The following CYP51A1 variants were observed in gnomAD, a reference collection of about 807,000 sequenced individuals.
CYP51A1 encodes cytochrome P450 family 51 subfamily A member 1, also known as lanosterol 14-alpha demethylase.
In CYP51A1, 45 loss-of-function variants were observed where a neutral mutation model predicts 53.5. That is an observed-to-expected ratio of 0.84 (90% CI 0.66 to 1.08). The LOEUF is 1.08. CYP51A1 is among the 50% of genes least tolerant of loss of function. The pLI is 0.00. For synonymous variants in CYP51A1, 181 were observed against 217.7 expected (o/e 0.83, Z 1.48); for missense variants, 462 against 621.7 (o/e 0.74, Z 2.73).
upstream of CYP51A1, chr7:92,134,694 G>A: frequency 3.4e-6 from 1 of 293,664 alleles, no homozygotes; most frequent in Non-Finnish European, 6.4e-6. Flanking sequence ...CCTGAGAATC[G>A]CGGGCGACCC....
chr7:92,112,314 G>T lies in CYP51A1; in HGVS notation c.*1351C>A, dbSNP rs535068396. ...AAACAGACGATGTGGTATTTTTTCA[G>T]CCATCTCATATAGTTAGGCCCCGAG... On this transcript the variant is annotated 3_prime_UTR_variant, in exon 10 of 10. Transcript: ENST00000003100. The T allele has an allele frequency of 3.5e-4, 54 of 152,202 alleles. No homozygotes were observed. The highest frequency in any genetic ancestry group is 1.3e-3 in the African/African-American group (52 of 41,532). 9.4% of individuals were successfully genotyped at this position (152,202 alleles called of 1,614,324 possible). A position where few individuals can be genotyped will look rare whatever the true frequency, so the allele number is the denominator to read the frequency against.
chr7:92,134,051 C>T, intron 1 of CYP51A1, 122 bp downstream of exon 1: 2 of 913,256 alleles, frequency 2.2e-6, no homozygotes, highest in Non-Finnish European at 3.2e-6. Context: ...CAAGCATGGC[C>T]GCAGTCGCCC....
rs759517992 is a variant in CYP51A1 at position 92,129,014 on chromosome 7, T to A, written c.334A>T (p.Thr112Ser). The A allele has an allele frequency of 4.3e-6, 7 of 1,613,584 alleles. 1 individual carries two copies. The Admixed American group carries it at 1.2e-4, about 27-fold the overall frequency. ...FSFTMVGKTFTYLLGSDAAAL... is the reference protein window; with the variant it reads ...FSFTMVGKTFSYLLGSDAAAL... ...GCAGCATCACTCCCCAGAAGGTAAG[T>A]AAATGTCTTGCCTACCATGGTAAAA... The change falls in exon 3 of 10, where the codon ACT becomes TCT. Residue 112 changes from threonine (T) to serine (S), a missense_variant. Physicochemically the swap from Thr to Ser is moderately conservative, Grantham distance 58. Coordinates refer to ENST00000003100, the MANE Select transcript of CYP51A1 (RefSeq NM_000786.4).
intron 9 of CYP51A1, among the ~76,000 whole-genome samples, chr7:92,115,598 GA>G (rs1413319906): frequency 6.6e-6 from 1 of 152,088 alleles, no homozygotes; most frequent in African/African-American, 2.4e-5. Flanking sequence ...AACTGTGATA[GA>G]ATATATTTCT....
At chr7:92,124,649 A>T (rs1256828221) in intron 5 of CYP51A1, among the ~76,000 whole-genome samples, 1 of 152,232 alleles carries the variant, frequency 6.6e-6, no homozygotes, top group East Asian at 1.9e-4. Context: ...TGTACAGAAG[A>T]GAAGATGTTG....
Position 92,132,813 on chromosome 7 carries a change from A to T in CYP51A1, c.193-941T>A, listed in dbSNP as rs187294572. On this transcript the variant is annotated intron_variant, in intron 1 of 9. Transcript: ENST00000003100. The stretch of plus-strand genomic sequence containing the variant: ...CAAGAACTCTAGCATTCTTCATAAA[A>T]GTTTCTTTAGATGCCACAAAATGAG... Among the ~76,000 whole-genome samples, 243 of 152,308 alleles carry T rather than the reference A, an allele frequency of 1.6e-3. 1 individual carries two copies. The highest frequency in any genetic ancestry group is 5.6e-3 in the African/African-American group (232 of 41,564).
At chr7:92,117,988 C>CAAA (rs5885800) in intron 8 of CYP51A1, among the ~76,000 whole-genome samples, 13 of 113,928 alleles carry the variant, frequency 1.1e-4, no homozygotes, top group South Asian at 2.7e-4. Flanking sequence ...AATGCCGTCT[C>CAAA]AAAAAAAAAA....
intron 6 of CYP51A1, 138 bp downstream of exon 6, chr7:92,123,596 C>CA: frequency 2.4e-6 from 2 of 840,506 alleles, no homozygotes. Flanking sequence ...TATGTCTCAA[C>CA]AATTTAAAGA....
intron 1 of CYP51A1, 59 bp downstream of exon 1, chr7:92,134,114 C>T: frequency 1.9e-6 from 3 of 1,550,544 alleles, no homozygotes; most frequent in Non-Finnish European, 2.6e-6. Flanking sequence ...CCCACGCCAG[C>T]CCTTCGGCCG....
At chr7:92,120,975 C>A (rs1272569175) in intron 7 of CYP51A1, among the ~76,000 whole-genome samples, 1 of 152,114 alleles carries the variant, frequency 6.6e-6, no homozygotes, top group Non-Finnish European at 1.5e-5. Context: ...CATCACTAGT[C>A]ACCAGGGAAA....
At chr7:92,114,303 T>C (rs935646093) in intron 9 of CYP51A1, among the ~76,000 whole-genome samples, 2 of 152,108 alleles carry the variant, frequency 1.3e-5, no homozygotes, top group Non-Finnish European at 2.9e-5. Context: ...ATGTAGAAAC[T>C]GACAAGCTGA....
intron 4 of CYP51A1, 69 bp from the exon 5 acceptor site, chr7:92,126,496 CAG>C: frequency 7.4e-7 from 1 of 1,343,584 alleles, no homozygotes; most frequent in Non-Finnish European, 1.0e-6. Flanking sequence ...GAATTAAAAA[CAG>C]AACTCAAGAA....
At chr7:92,121,786 G>A (rs1819698076) in intron 7 of CYP51A1, among the ~76,000 whole-genome samples, 1 of 152,162 alleles carries the variant, frequency 6.6e-6, no homozygotes, top group African/African-American at 2.4e-5. Context: ...GAGGCAAAAG[G>A]AGATTAATGG....
At chr7:92,123,902 C>G (rs376027325) in intron 5 of CYP51A1, 49 bp from the exon 6 acceptor site, 1 of 1,457,552 alleles carries the variant, frequency 6.9e-7, no homozygotes, top group Non-Finnish European at 9.2e-7. Context: ...AAATAACCTT[C>G]TAGGATCAAA....
intron 5 of CYP51A1, among the ~76,000 whole-genome samples, 157 bp from the exon 6 acceptor site, chr7:92,124,010 T>C (rs985358755): frequency 3.3e-5 from 5 of 152,158 alleles, no homozygotes; most frequent in African/African-American, 1.2e-4. Flanking sequence ...AGGAACATAC[T>C]GGAAGTCATG....
chr7:92,123,088 A>C, intron 7 of CYP51A1, 32 bp downstream of exon 7: 3 of 1,545,620 alleles, frequency 1.9e-6, no homozygotes, highest in Non-Finnish European at 2.7e-6. Context: ...CAAAGTCATA[A>C]GGCAGCAATG....
At chr7:92,122,644 G>A (rs1222656085) in intron 7 of CYP51A1, among the ~76,000 whole-genome samples, 1 of 152,194 alleles carries the variant, frequency 6.6e-6, no homozygotes, top group African/African-American at 2.4e-5. Context: ...GTCAGGTTGT[G>A]CAGTGAGTTG....
intron 2 of CYP51A1, 25 bp downstream of exon 2, chr7:92,131,749 T>TC (rs397794165): frequency 7.3e-6 from 9 of 1,227,640 alleles, no homozygotes; most frequent in East Asian, 4.7e-5. Context: ...TTTTTTTTTT[T>TC]CCTCTAATTA....
At chr7:92,134,489 CA>C (rs550524330), upstream of CYP51A1, 1 of 1,054,928 alleles carries the variant, frequency 9.5e-7, no homozygotes, top group African/African-American at 1.6e-5. Context: ...AACCCAGCCC[CA>C]CCCCTCGGGT....
Sources: allele counts gnomAD v4.1 joint callset (sites outside exome capture counted in the v4.1 genomes callset), GRCh38; gene constraint gnomAD v4.1.1; transcripts MANE v1.5; gene names NCBI Gene and HGNC (gene_info 2026-07-23, HGNC 2026-07-21).